SYNE2: variants seen among roughly 807,000 people sequenced by gnomAD.
SYNE2 encodes nesprin-2.
SYNE2 carries 431 observed loss-of-function variants against 856.3 expected under a neutral mutation model. That is an observed-to-expected ratio of 0.50 (90% confidence interval 0.47 to 0.55). SYNE2 has a LOEUF of 0.55. SYNE2 is among the 20% of genes least tolerant of loss of function. The probability of loss-of-function intolerance (pLI) is 0.00; values close to 1 mark genes in which losing one functional copy is unlikely to be tolerated. For missense variants in SYNE2, 8,129 were observed against 8,023.2 expected, an observed-to-expected ratio of 1.01 and a Z score of -0.50; for synonymous variants, 2,923 against 2,872.3, an observed-to-expected ratio of 1.02 and a Z score of -0.56.
chr14:64,143,686 G>C, intron 82 of SYNE2, 86 bp from the exon 83 acceptor site: 1 of 1,411,530 alleles, frequency 7.1e-7, no homozygotes, highest in Non-Finnish European at 1.0e-6. Flanking sequence ...ACGGGAGCTT[G>C]GTGCCCCCTC....
At chr14:63,957,806 T>TA (rs980718137) in intron 8 of SYNE2, among the ~76,000 whole-genome samples, 8 of 152,116 alleles carry the variant, frequency 5.3e-5, no homozygotes, top group Admixed American at 5.2e-4. Context: ...ATGGTGAAGT[T>TA]ACTCTTTTTT....
At chr14:64,079,982 C>A (rs1348691774) in intron 55 of SYNE2, among the ~76,000 whole-genome samples, 1 of 152,180 alleles carries the variant, frequency 6.6e-6, no homozygotes, top group African/African-American at 2.4e-5. Flanking sequence ...CCACTGCACC[C>A]AGCCCAGATA....
Position 64,053,587 on chromosome 14 carries a change from A to G in SYNE2, c.9674A>G (p.Asp3225Gly), listed in dbSNP as rs2097244140. ...GAAGAAAACTCTTCTGAAGCGAGTGATGTGGAGACAAAACTACGTGAGTTT... is the reference window on the plus strand; with the variant it reads ...GAAGAAAACTCTTCTGAAGCGAGTGGTGTGGAGACAAAACTACGTGAGTTT... ...QREENSSEAS[D>G]VETKLREFED... is the part of the protein sequence containing the mutation. The change falls in exon 48 of 116, where the codon GAT (aspartate) becomes GGT (glycine). Residue 3225 changes from aspartate (D) to glycine (G), a missense_variant. Around this residue, in one of 3 missense-constraint regions of SYNE2, gnomAD observed 5,410 missense variants for 5,284.8 expected, o/e 1.02. Transcript: ENST00000555002. 6.2e-7 allele frequency: 1 copy of G among 1,613,908 alleles called. No homozygotes were observed. The highest frequency in any genetic ancestry group is 8.5e-7 in the Non-Finnish European group (1 of 1,179,990).
intron 49 of SYNE2, among the ~76,000 whole-genome samples, chr14:64,059,997 T>C (rs1227820057): frequency 6.6e-6 from 1 of 151,966 alleles, no homozygotes; most frequent in Non-Finnish European, 1.5e-5. Context: ...GCTCAAGGGG[T>C]CTTCAGTCGG....
At chr14:63,844,875 T>C (rs1890180007) in intron 1 of SYNE2, among the ~76,000 whole-genome samples, 2 of 152,100 alleles carry the variant, frequency 1.3e-5, no homozygotes, top group African/African-American at 4.8e-5. Flanking sequence ...CAAGACCCTG[T>C]CTCTATTTTA....
chr14:64,097,472 G>A (rs147203840), intron 61 of SYNE2, among the ~76,000 whole-genome samples: 1 of 152,188 alleles, frequency 6.6e-6, no homozygotes, highest in Admixed American at 6.5e-5. Context: ...AGAGACATGG[G>A]AACATGTCTC....
intron 49 of SYNE2, among the ~76,000 whole-genome samples, chr14:64,061,002 A>G (rs371484100): frequency 5.3e-5 from 8 of 152,112 alleles, no homozygotes; most frequent in African/African-American, 1.9e-4. Flanking sequence ...CTGCTGGGGG[A>G]TGGGTGAGGA....
chr14:63,837,143 T>G (rs912851559), intron 1 of SYNE2, among the ~76,000 whole-genome samples: 1 of 152,194 alleles, frequency 6.6e-6, no homozygotes, highest in Admixed American at 6.5e-5. Flanking sequence ...GAATAACTCT[T>G]ATATTATGGT....
chr14:64,225,095 C>G, intron 115 of SYNE2, 50 bp downstream of exon 115: 2 of 1,602,892 alleles, frequency 1.2e-6, no homozygotes, highest in Non-Finnish European at 1.7e-6. Flanking sequence ...TCCACACTCC[C>G]ACTGACTCAG....
At chr14:64,064,585 G>A (rs1297963742) in intron 50 of SYNE2, among the ~76,000 whole-genome samples, 5 of 97,086 alleles carry the variant, frequency 5.2e-5, no homozygotes, top group South Asian at 3.7e-4. Context: ...ACAGGGTCTT[G>A]TTCTGTCACC....
chr14:63,905,757 A>G (rs983364904), intron 1 of SYNE2, among the ~76,000 whole-genome samples: 1 of 151,920 alleles, frequency 6.6e-6, no homozygotes, highest in African/African-American at 2.4e-5. Context: ...AGATTGTTTG[A>G]CCTCTTCTTT....
intron 60 of SYNE2, among the ~76,000 whole-genome samples, chr14:64,092,326 C>T (rs1286140118): frequency 6.6e-6 from 1 of 151,996 alleles, no homozygotes. Flanking sequence ...ATCAGATGTC[C>T]CCTCATATAT....
At chr14:63,979,234 C>T (rs549391350) in intron 14 of SYNE2, among the ~76,000 whole-genome samples, 1 of 152,220 alleles carries the variant, frequency 6.6e-6, no homozygotes, top group South Asian at 2.1e-4. Flanking sequence ...ACTTACTACC[C>T]AAGGGGAGAT....
intron 47 of SYNE2, among the ~76,000 whole-genome samples, chr14:64,050,940 G>C (rs2097221046): frequency 6.6e-6 from 1 of 151,550 alleles, no homozygotes; most frequent in Admixed American, 6.6e-5. Flanking sequence ...AGAATGGCTT[G>C]AACCTGGGAA....
Position 64,225,531 on chromosome 14 carries a change from C to G in SYNE2, c.*5C>G, listed in dbSNP as rs779779608. The G allele has an allele frequency of 6.2e-7, 1 of 1,613,634 alleles. No homozygotes were observed. Among genetic ancestry groups the G allele is most frequent in the Non-Finnish European group, 8.5e-7 (1 of 1,179,726 alleles). On this transcript the variant is annotated 3_prime_UTR_variant, in exon 116 of 116. Transcript: ENST00000555002. ...AATGGGCCACCCCCCACATAGAGGG[C>G]ATAGCTGGCCACAGTGCTACACCAC...
chr14:64,188,142 T>A (rs1410604599), intron 97 of SYNE2, among the ~76,000 whole-genome samples: 3 of 152,250 alleles, frequency 2.0e-5, no homozygotes, highest in Non-Finnish European at 4.4e-5. Context: ...TGACATTCTA[T>A]CTGGATTAAT....
chr14:63,809,727 C>T (rs2139822618), intron 1 of SYNE2, among the ~76,000 whole-genome samples: 2 of 152,224 alleles, frequency 1.3e-5, no homozygotes, highest in South Asian at 4.1e-4. Flanking sequence ...TCTTGAACTC[C>T]AGGCCTCAAG....
In SYNE2 at chr14:64,193,546, C is replaced by T. The variant is rs1236539243; in HGVS notation, c.18038+3309C>T. Among the ~76,000 whole-genome samples the T allele has an allele frequency of 2.0e-5, 3 of 149,908 alleles. No homozygotes were observed. The South Asian group carries it at 6.3e-4, about 31-fold the overall frequency. ...ACCTGGGTGACAGAGCGAACTCCGT[C>T]TCAAAAAAAAAAAAGATTGGAAGGT... On this transcript the variant is annotated intron_variant, in intron 99 of 115. Coordinates refer to ENST00000555002, the MANE Select transcript of SYNE2 (RefSeq NM_182914.3).
At chr14:64,031,966 C>CA (rs1203850631) in intron 45 of SYNE2, among the ~76,000 whole-genome samples, 2 of 152,128 alleles carry the variant, frequency 1.3e-5, no homozygotes, top group Non-Finnish European at 2.9e-5. Flanking sequence ...GGGAATCGCA[C>CA]AAAGAGAGAT....
Sources: gnomAD v4.1 joint callset for allele counts (sites outside exome capture counted in the v4.1 genomes callset) on GRCh38, gnomAD v4.1.1 for gene constraint, gnomAD v4.1.1 regional missense constraint, MANE v1.5 for transcripts, NCBI Gene and HGNC (gene_info 2026-07-23, HGNC 2026-07-21) for gene names.